LOC400499: variants seen among roughly 807,000 people sequenced by gnomAD.
the LOC400499 span, chr16:11,384,345 G>A: frequency 8.7e-5 from 106 of 1,215,376 alleles, no homozygotes; most frequent in South Asian, 2.1e-4. Context: ...AGAGGGAAGC[G>A]GAGGCCGGCC....
chr16:11,451,099 G>C, the LOC400499 span, among the ~76,000 whole-genome samples: 2 of 152,180 alleles, frequency 1.3e-5, no homozygotes, highest in Non-Finnish European at 2.9e-5. Flanking sequence ...GAAACGTTTA[G>C]GAGTGAGAGG....
chr16:11,384,399 A>T, the LOC400499 span: 1 of 837,338 alleles, frequency 1.2e-6, no homozygotes, highest in Non-Finnish European at 1.6e-6. Context: ...CTGCTGCCTC[A>T]GGACCTGTGT....
At chr16:11,378,947 T>G in the LOC400499 span, among the ~76,000 whole-genome samples, 495 of 152,350 alleles carry the variant, frequency 3.2e-3, 1 homozygote, top group African/African-American at 0.011. Context: ...ATCTTCTGTC[T>G]GGGTGTTGTA....
At chr16:11,391,542 G>C in the LOC400499 span, 1 of 801,176 alleles carries the variant, frequency 1.2e-6, no homozygotes, top group Non-Finnish European at 1.7e-6. Context: ...ACAGGCCCAT[G>C]GGAAGCGAGG....
chr16:11,493,745 G>A, the LOC400499 span: 3 of 394,980 alleles, frequency 7.6e-6, no homozygotes, highest in East Asian at 7.2e-5. Context: ...GTAGGGGTGA[G>A]AGCCATGGCT....
At chr16:11,446,961 G>A in the LOC400499 span, 3 of 1,501,316 alleles carry the variant, frequency 2.0e-6, no homozygotes, top group Non-Finnish European at 2.7e-6. Flanking sequence ...AGCTGGCAGT[G>A]CCAGGGGACA....
At chr16:11,383,693 T>C in the LOC400499 span, 2 of 1,232,432 alleles carry the variant, frequency 1.6e-6, no homozygotes, top group African/African-American at 1.6e-5. Flanking sequence ...CACAGGTGGA[T>C]GTAGGCGGCC....
At chr16:11,482,122 T>C in the LOC400499 span, among the ~76,000 whole-genome samples, 6 of 152,200 alleles carry the variant, frequency 3.9e-5, no homozygotes, top group African/African-American at 1.2e-4. Flanking sequence ...GTAACCCAGA[T>C]GACACAGGCT....
the LOC400499 span, among the ~76,000 whole-genome samples, chr16:11,483,291 T>C: frequency 6.6e-6 from 1 of 152,216 alleles, no homozygotes; most frequent in African/African-American, 2.4e-5. Context: ...CCATATGATC[T>C]AGCCACACCT....
At chr16:11,439,761 T>C in the LOC400499 span, among the ~76,000 whole-genome samples, 1 of 152,014 alleles carries the variant, frequency 6.6e-6, no homozygotes, top group Non-Finnish European at 1.5e-5. Flanking sequence ...CTGAAAAAGG[T>C]TGCTTAGGAA....
the LOC400499 span, among the ~76,000 whole-genome samples, chr16:11,512,854 G>A: frequency 1.3e-5 from 2 of 152,156 alleles, no homozygotes; most frequent in Non-Finnish European, 2.9e-5. Context: ...CGGTGTGCGG[G>A]GAGGGCAGAC....
At chr16:11,447,624 T>C in the LOC400499 span, among the ~76,000 whole-genome samples, 1 of 152,044 alleles carries the variant, frequency 6.6e-6, no homozygotes, top group Non-Finnish European at 1.5e-5. Flanking sequence ...CCTCGTGCTG[T>C]TCCCTGCACA....
At chr16:11,518,979 C>G in the LOC400499 span, 1 of 398,866 alleles carries the variant, frequency 2.5e-6, no homozygotes, top group African/African-American at 2.1e-5. Context: ...AGCTGAAGCA[C>G]AAAGCACCGT....
the LOC400499 span, among the ~76,000 whole-genome samples, chr16:11,419,169 A>T: frequency 7.3e-6 from 1 of 136,898 alleles, no homozygotes; most frequent in East Asian, 2.1e-4. Context: ...CTGTCTCAAA[A>T]AAACAAAAAA....
chr16:11,429,443 G>A, the LOC400499 span, among the ~76,000 whole-genome samples: 1 of 152,204 alleles, frequency 6.6e-6, no homozygotes, highest in African/African-American at 2.4e-5. Context: ...GAAGGGCAAA[G>A]GGAGTTAGCA....
At chr16:11,454,352 C>T in the LOC400499 span, among the ~76,000 whole-genome samples, 2 of 152,212 alleles carry the variant, frequency 1.3e-5, no homozygotes, top group East Asian at 3.8e-4. Flanking sequence ...CCCAATCCCT[C>T]CCAATGCGAC....
chr16:11,512,908 C>T, the LOC400499 span, among the ~76,000 whole-genome samples: 5 of 152,082 alleles, frequency 3.3e-5, no homozygotes, highest in Non-Finnish European at 5.9e-5. Flanking sequence ...AGAGCGAAGT[C>T]GGAGAAATCC....
chr16:11,468,262 G>A, the LOC400499 span, among the ~76,000 whole-genome samples: 37 of 152,312 alleles, frequency 2.4e-4, 1 homozygote, highest in East Asian at 3.9e-3. Flanking sequence ...GCGTGCATCA[G>A]TACTTCTGCA....
chr16:11,410,958 C>G, the LOC400499 span, among the ~76,000 whole-genome samples: 1 of 152,262 alleles, frequency 6.6e-6, no homozygotes, highest in African/African-American at 2.4e-5. Context: ...GTGTGCCAGG[C>G]TGGGTGAGGC....
Sources: allele counts gnomAD v4.1 joint callset (sites outside exome capture counted in the v4.1 genomes callset), GRCh38; gene constraint gnomAD v4.1.1; transcripts MANE v1.5.